UBOX5: variants seen among roughly 807,000 people sequenced by gnomAD.
UBOX5 encodes U-box domain containing 5, also known as RING finger protein 37.
UBOX5 carries 28 observed loss-of-function variants against 39.0 expected under a neutral mutation model. The ratio of observed to expected loss-of-function variants is 0.72; its 90% CI spans 0.53 to 0.98. The LOEUF (loss-of-function observed/expected upper bound fraction) is 0.98, where lower values mean the gene tolerates loss of function less well. UBOX5 is among the 50% of genes least tolerant of loss of function. The pLI is 0.00. For synonymous variants in UBOX5, 283 were observed against 275.5 expected (o/e 1.03, Z -0.27); for missense variants, 585 against 674.4 (o/e 0.87, Z 1.47).
chr20:3,149,061 T>C lies in UBOX5; in HGVS notation c.-42+10705A>G, dbSNP rs773068491. 10 of 1,609,882 alleles carry C rather than the reference T, an allele frequency of 6.2e-6. No individual in the cohort carries two copies. The East Asian group carries it at 6.7e-5, about 11-fold the overall frequency. ...CTTACAAGTTTTAATGACTTGAGAG[T>C]AGCTGCCATTCTGGTGTCAGTATTG... On this transcript the variant is annotated intron_variant, in intron 1 of 4. Transcript: ENST00000217173. This position sits in a 1 kb window ranked among gnomAD's most constrained non-coding sequence, Gnocchi z 4.1.
chr20:3,131,800 G>A (rs2066430707), intron 1 of UBOX5, among the ~76,000 whole-genome samples: 1 of 152,030 alleles, frequency 6.6e-6, no homozygotes, highest in Admixed American at 6.6e-5. Flanking sequence ...CTTGAGGTCA[G>A]GAGTTCGAGA....
chr20:3,127,802 G>A (rs528263276), intron 1 of UBOX5, among the ~76,000 whole-genome samples: 80 of 152,244 alleles, frequency 5.3e-4, no homozygotes, highest in South Asian at 1.2e-3. Context: ...TGGGGGGAGG[G>A]TGTGTATGTG....
chr20:3,154,655 CAGAG>C (rs1017677607), intron 1 of UBOX5, among the ~76,000 whole-genome samples: 1 of 151,876 alleles, frequency 6.6e-6, no homozygotes, highest in Non-Finnish European at 1.5e-5. Flanking sequence ...GGCAGGGTGA[CAGAG>C]AGAGACCCTA....
rs190972661 is a variant in UBOX5, at chr20:3,139,451, G to A, written c.-41-16045C>T. ...GTTGCCCAGGCTGGAGTGCAATGGC[G>A]CGATCTCGGCTCACTGCAACCTCCC... On this transcript the variant is annotated intron_variant, in intron 1 of 4. Coordinates refer to ENST00000217173, the MANE Select transcript of UBOX5 (RefSeq NM_014948.4). Among the ~76,000 whole-genome samples, 240 of 152,118 alleles carry A rather than the reference G, an allele frequency of 1.6e-3. 3 individuals carry two copies. The highest frequency in any genetic ancestry group is 4.4e-3 in the African/African-American group (183 of 41,506).
chr20:3,159,834 C>T lies in UBOX5; in HGVS notation c.-110G>A, dbSNP rs947678729. On this transcript the variant is annotated 5_prime_UTR_variant, in exon 1 of 5. Coordinates refer to ENST00000217173, the MANE Select transcript of UBOX5 (RefSeq NM_014948.4). The stretch of plus-strand genomic sequence containing the variant: ...GCCGCGGGCGGCGGCGACACAGATA[C>T]TGGCTCCTCCGGCGACTCCGAGCCT... The T allele has an allele frequency of 6.6e-6, 1 of 152,294 alleles. No homozygotes were observed. The highest frequency in any genetic ancestry group is 2.4e-5 in the African/African-American group (1 of 41,474). 9.4% of individuals were successfully genotyped at this position (152,294 alleles called of 1,614,324 possible).
chr20:3,124,387 G>C (rs2066361656), intron 1 of UBOX5, among the ~76,000 whole-genome samples: 1 of 152,160 alleles, frequency 6.6e-6, no homozygotes, highest in Non-Finnish European at 1.5e-5. Context: ...GGCCTCCCGA[G>C]GTGCTGGGAT....
intron 1 of UBOX5, among the ~76,000 whole-genome samples, chr20:3,152,691 T>C (rs1436475009): frequency 2.0e-5 from 3 of 152,044 alleles, no homozygotes. Flanking sequence ...GCGGACCACT[T>C]GAGGACAGGA....
chr20:3,143,277 A>AT (rs2066533473), intron 1 of UBOX5, among the ~76,000 whole-genome samples: 1 of 151,454 alleles, frequency 6.6e-6, no homozygotes, highest in African/African-American at 2.4e-5. Context: ...TAATTTTTGC[A>AT]TTTTTAGTAG....
chr20:3,125,435 G>C, intron 1 of UBOX5, among the ~76,000 whole-genome samples: 2 of 146,020 alleles, frequency 1.4e-5, no homozygotes. Flanking sequence ...GGGAAGTGAG[G>C]AGCGCCTCTG....
At chr20:3,137,197 G>C (rs1448837613) in intron 1 of UBOX5, among the ~76,000 whole-genome samples, 1 of 150,940 alleles carries the variant, frequency 6.6e-6, no homozygotes, top group Non-Finnish European at 1.5e-5. Flanking sequence ...CACCTGCCTC[G>C]GCCTCCCAAA....
In UBOX5 at chr20:3,110,229, C is replaced by T; in HGVS notation, c.1503G>A (p.Gln501=). ...SPYFKKEPVY[Q]LPCGHLLCRP... is the part of the protein sequence containing the mutation. The stretch of plus-strand genomic sequence containing the variant: ...GGCACAGGAGGTGGCCGCAGGGCAG[C>T]TGGTACACCGGCTCCTTTTTGAAGT... The change falls in exon 5 of 5, where the codon CAG becomes CAA. Residue 501 remains glutamine (Q), a synonymous_variant. Coordinates refer to ENST00000217173, the MANE Select transcript of UBOX5 (RefSeq NM_014948.4). 1 of 1,614,068 alleles carries T rather than the reference C, an allele frequency of 6.2e-7. No homozygotes were observed. Among genetic ancestry groups the T allele is most frequent in the Non-Finnish European group, 8.5e-7 (1 of 1,180,014 alleles).
intron 3 of UBOX5, among the ~76,000 whole-genome samples, chr20:3,120,503 C>T (rs2066326493): frequency 6.6e-6 from 1 of 151,074 alleles, no homozygotes; most frequent in African/African-American, 2.4e-5. Context: ...AAAAACTTAG[C>T]CAGGCGTGGT....
chr20:3,123,099 C>A (rs1161607166), intron 2 of UBOX5, among the ~76,000 whole-genome samples: 1 of 152,118 alleles, frequency 6.6e-6, no homozygotes, highest in Non-Finnish European at 1.5e-5. Context: ...GAGGACCCTG[C>A]ACAAAATGAG....
At chr20:3,146,781 G>C in intron 1 of UBOX5, 1 of 1,612,998 alleles carries the variant, frequency 6.2e-7, no homozygotes, top group East Asian at 2.2e-5. Flanking sequence ...GCCCTTCAGA[G>C]AGCAGAGGTG....
Position 3,149,234 on chromosome 20 carries a change from T to C in UBOX5, c.-42+10532A>G, listed in dbSNP as rs2066600617. On this transcript the variant is annotated intron_variant, in intron 1 of 4. Coordinates refer to ENST00000217173, the MANE Select transcript of UBOX5 (RefSeq NM_014948.4). This position sits in a 1 kb window ranked among gnomAD's most constrained non-coding sequence, Gnocchi z 4.1. ...TATCACAAGAGCCAGGGATCACAAA[T>C]GACTGGGTCAGAATTGGTGCCAGAT... 4 of 693,956 alleles carry C rather than the reference T, an allele frequency of 5.8e-6. No individual in the cohort carries two copies. Among genetic ancestry groups the C allele is most frequent in the African/African-American group, 1.8e-5 (1 of 55,444 alleles). 43.0% of individuals were successfully genotyped at this position (693,956 alleles called of 1,614,324 possible).
intron 1 of UBOX5, among the ~76,000 whole-genome samples, chr20:3,158,822 G>A (rs1009065297): frequency 6.6e-6 from 1 of 152,200 alleles, no homozygotes; most frequent in Non-Finnish European, 1.5e-5. Flanking sequence ...CCAAGGACTT[G>A]CCCAGGACCA....
At chr20:3,130,266 TAAAC>T (rs1206954736) in intron 1 of UBOX5, among the ~76,000 whole-genome samples, 93 of 149,060 alleles carry the variant, frequency 6.2e-4, no homozygotes, top group Non-Finnish European at 1.2e-3. Context: ...AATAAATAAA[TAAAC>T]AAACAAAGAG....
intron 1 of UBOX5, chr20:3,148,858 G>T: frequency 1.2e-6 from 2 of 1,614,198 alleles, no homozygotes; most frequent in South Asian, 1.1e-5. Context: ...GGGCACTGCT[G>T]GTTGTCAGGA....
chr20:3,138,011 G>A (rs938744817), intron 1 of UBOX5, among the ~76,000 whole-genome samples: 71 of 152,296 alleles, frequency 4.7e-4, no homozygotes, highest in African/African-American at 1.7e-3. Flanking sequence ...GGTGGCTCAC[G>A]CCTGTAATCC....
Sources: gnomAD v4.1 joint callset for allele counts (sites outside exome capture counted in the v4.1 genomes callset) on GRCh38, gnomAD v4.1.1 for gene constraint, Gnocchi (gnomAD v3.1) non-coding constraint, MANE v1.5 for transcripts, NCBI Gene and HGNC (gene_info 2026-07-23, HGNC 2026-07-21) for gene names.